The following GCFC2 variants were observed in gnomAD, a reference collection of about 807,000 sequenced individuals.
GCFC2 encodes GC-rich sequence DNA-binding factor 2.
A neutral mutation model predicts 99.4 loss-of-function variants in GCFC2; 102 were observed. The observed-to-expected ratio is 1.03, with a 90% CI of 0.87 to 1.21. GCFC2 has a LOEUF of 1.21. Among genes scored for constraint, GCFC2 ranks in the 50% most tolerant of loss-of-function variants. The probability of loss-of-function intolerance (pLI) is 0.00; values close to 1 mark genes in which losing one functional copy is unlikely to be tolerated. For synonymous variants in GCFC2, 338 were observed against 316.8 expected (o/e 1.07, Z -0.71); for missense variants, 973 against 920.9 (o/e 1.06, Z -0.73).
At chr2:75,701,387 T>C (rs1182855751) in intron 3 of GCFC2, 100 bp from the exon 4 acceptor site, 1 of 659,544 alleles carries the variant, frequency 1.5e-6, no homozygotes, top group African/African-American at 1.8e-5. Flanking sequence ...TAGCACCACT[T>C]GACGTGTTAT....
At chr2:75,675,227 C>G (rs1679280882) in intron 12 of GCFC2, among the ~76,000 whole-genome samples, 2 of 152,108 alleles carry the variant, frequency 1.3e-5, no homozygotes, top group African/African-American at 4.8e-5. Context: ...GGTTATATAA[C>G]ATAATATCCT....
chr2:75,678,076 C>G (rs558110514), intron 12 of GCFC2, among the ~76,000 whole-genome samples: 1 of 152,028 alleles, frequency 6.6e-6, no homozygotes, highest in East Asian at 1.9e-4. Flanking sequence ...TCAAGTATTT[C>G]AAAAATGACT....
intron 10 of GCFC2, 109 bp from the exon 11 acceptor site, chr2:75,688,086 G>A: frequency 1.5e-6 from 1 of 678,426 alleles, no homozygotes; most frequent in Admixed American, 3.3e-5. Context: ...AGGATCAGAA[G>A]AGATTAATTC....
At position 75,696,330 on chromosome 2, in the gene GCFC2, A is replaced by G. The variant is rs371186371; in HGVS notation, c.718-15T>C. ...ATGTCTCTTTCCTAAAAAAGTAAAA[A>G]TAGATTTTTACAAAACCATTTATTT... On this transcript the variant is annotated splice_polypyrimidine_tract_variant and intron_variant, in intron 4 of 16. Transcript: ENST00000321027. The G allele has an allele frequency of 2.4e-4, 250 of 1,053,266 alleles. No homozygotes were observed. In the African/African-American group the frequency reaches 3.6e-3, roughly 15 times the overall value. The allele number at this position is 1,053,266 out of a possible 1,614,324, so 65.2% of individuals were successfully genotyped here. A position where few individuals can be genotyped will look rare whatever the true frequency, so the allele number is the denominator to read the frequency against.
rs1679216029 is a variant in GCFC2, at chr2:75,673,508, A to T, written c.1825T>A (p.Ser609Thr). ...GCCTTTTTCATTCTTGAAACAATGG[A>T]TTTAAGTAAATCCTATTATTACAAA... ...VSKSRQDLLK[S>T]IVSRMKKAVE... The change falls in exon 13 of 17, where the codon TCC becomes ACC. Residue 609 changes from serine to threonine, a missense_variant. By Grantham distance (58) the Ser-to-Thr change is moderately conservative. Transcript: ENST00000321027. 2 of 1,253,380 alleles carry T rather than the reference A, an allele frequency of 1.6e-6. No individual in the cohort carries two copies. Among genetic ancestry groups the T allele is most frequent in the East Asian group, 4.6e-5 (2 of 43,202 alleles). The allele number at this position is 1,253,380 out of a possible 1,614,324, so 77.6% of individuals were successfully genotyped here.
At chr2:75,704,077 C>T (rs550944643) in intron 2 of GCFC2, among the ~76,000 whole-genome samples, 8 of 152,300 alleles carry the variant, frequency 5.3e-5, no homozygotes, top group African/African-American at 1.7e-4. Context: ...TATTCAATAC[C>T]TCGTTCAAGG....
Position 75,703,260 on chromosome 2 carries a change from G to A in GCFC2, c.395-837C>T, listed in dbSNP as rs535755809. 7.8e-4 allele frequency among the ~76,000 whole-genome samples: 119 copies of A among 152,208 alleles called. 1 individual carries two copies. Among genetic ancestry groups the A allele is most frequent in the Middle Eastern group, 3.4e-3 (1 of 294 alleles). Reference sequence around the variant, plus strand: ...GCGAGAGAAATTTTCACCATTTTAAGCACTTCAAACTACTAAAAAGATGTC... The same window carrying A: ...GCGAGAGAAATTTTCACCATTTTAAACACTTCAAACTACTAAAAAGATGTC... On this transcript the variant is annotated intron_variant, in intron 2 of 16. Transcript: ENST00000321027.
intron 15 of GCFC2, among the ~76,000 whole-genome samples, chr2:75,666,463 A>G (rs996828060): frequency 9.2e-5 from 14 of 152,168 alleles, no homozygotes; most frequent in Non-Finnish European, 2.1e-4. Flanking sequence ...TATGATCTAT[A>G]TGGAGTTAAG....
In GCFC2 at chr2:75,670,147, C is replaced by G. The variant is rs889472286; in HGVS notation, c.2094G>C (p.Lys698Asn). The G allele has an allele frequency of 1.2e-6, 2 of 1,603,214 alleles. No homozygotes were observed. Among genetic ancestry groups the G allele is most frequent in the Non-Finnish European group, 1.7e-6 (2 of 1,172,960 alleles). Residue 698 changes from lysine (K) to asparagine (N), a missense_variant, in exon 15 of 17, where the codon AAG becomes AAC. By Grantham distance (94) the Lys-to-Asn change is moderately conservative. Transcript: ENST00000321027. Reference sequence around the variant, plus strand: ...TTCCTTCACAACTTACCTGGTTGCACTTTTTAACCACATCTGGCCCAGGTG... The same window carrying G: ...TTCCTTCACAACTTACCTGGTTGCAGTTTTTAACCACATCTGGCCCAGGTG... ...NATPGPDVVK[K>N]CNQVAACLPE...
chr2:75,712,295 C>A (rs1681220465), upstream of GCFC2, among the ~76,000 whole-genome samples: 1 of 151,792 alleles, frequency 6.6e-6, no homozygotes, highest in East Asian at 1.9e-4. Context: ...TGTAAACCCA[C>A]CAATCAGCAC....
intron 11 of GCFC2, among the ~76,000 whole-genome samples, chr2:75,686,057 T>G (rs1679801511): frequency 3.3e-5 from 5 of 152,210 alleles, no homozygotes; most frequent in Admixed American, 2.0e-4. Flanking sequence ...TTGGACTCAG[T>G]CAGTGTTAAT....
At chr2:75,680,158 T>C (rs776585760) in intron 12 of GCFC2, 35 bp downstream of exon 12, 29 of 1,473,082 alleles carry the variant, frequency 2.0e-5, no homozygotes, top group East Asian at 6.8e-5. Context: ...GATTTAGAGA[T>C]AGATCATGGA....
chr2:75,705,335 C>T (rs1680800716), intron 2 of GCFC2, among the ~76,000 whole-genome samples: 1 of 152,038 alleles, frequency 6.6e-6, no homozygotes, highest in Admixed American at 6.6e-5. Context: ...AATAAAGAAG[C>T]ACTTATGGCC....
At position 75,710,716 on chromosome 2, in the gene GCFC2, G is replaced by A; in HGVS notation, c.140C>T (p.Ser47Phe). 1 of 1,549,940 alleles carries A rather than the reference G, an allele frequency of 6.5e-7. No individual in the cohort carries two copies. The highest frequency in any genetic ancestry group is 1.2e-5 in the South Asian group (1 of 84,238). ...CGCCACCTGCGCGCGGCCTCCTCCA[G>A]AGGGCGGCTCTTCCTCCGCAGAACC... ...VPGSAEEEPP[S>F]GGGRAQVAGL... is the part of the protein sequence containing the mutation. Residue 47 changes from serine to phenylalanine, a missense_variant, in exon 1 of 17, where the codon TCT (serine) becomes TTT (phenylalanine). Physicochemically the swap from Ser to Phe is radical, Grantham distance 155. Transcript: ENST00000321027.
At chr2:75,672,042 G>A (rs770710588) in intron 13 of GCFC2, 26 bp from the exon 14 acceptor site, 5 of 1,313,786 alleles carry the variant, frequency 3.8e-6, no homozygotes, top group African/African-American at 1.5e-5. Context: ...CGAAAGAGAA[G>A]AGAAAATGCA....
intron 12 of GCFC2, among the ~76,000 whole-genome samples, chr2:75,678,614 C>T (rs965033192): frequency 2.6e-5 from 4 of 152,166 alleles, no homozygotes; most frequent in Non-Finnish European, 4.4e-5. Flanking sequence ...CTATGCTGCT[C>T]AAGGGGAGGC....
chr2:75,710,857 G>A lies in GCFC2; in HGVS notation c.-2C>T, dbSNP rs762358177. ...AGTCCTTTTCGGCCTGTGAGCCATG[G>A]CCGAGGCCCGAGCGCCCGGCGCCCT... On this transcript the variant is annotated 5_prime_UTR_variant, in exon 1 of 17. Transcript: ENST00000321027. 1 of 1,547,696 alleles carries A rather than the reference G, an allele frequency of 6.5e-7. No homozygotes were observed. Among genetic ancestry groups the A allele is most frequent in the South Asian group, 1.2e-5 (1 of 86,280 alleles).
Position 75,663,037 on chromosome 2 carries a change from A to T in GCFC2, c.*1629T>A, listed in dbSNP as rs1430718752. ...CTCTGGGGACAGCGGTTGTGTGGAAATGCTAACTGCTTTTCAACAATAGTT... is the reference window on the plus strand; with the variant it reads ...CTCTGGGGACAGCGGTTGTGTGGAATTGCTAACTGCTTTTCAACAATAGTT... On this transcript the variant is annotated 3_prime_UTR_variant, in exon 17 of 17. Coordinates refer to ENST00000321027, the MANE Select transcript of GCFC2 (RefSeq NM_003203.5). 6.6e-6 allele frequency: 1 copy of T among 152,198 alleles called. No individual in the cohort carries two copies. Among genetic ancestry groups the T allele is most frequent in the East Asian group, 1.9e-4 (1 of 5,202 alleles). The allele number at this position is 152,198 out of a possible 1,614,324, so 9.4% of individuals were successfully genotyped here. A position where few individuals can be genotyped will look rare whatever the true frequency, so the allele number is the denominator to read the frequency against.
intron 10 of GCFC2, 60 bp downstream of exon 10, chr2:75,688,966 T>A: frequency 2.2e-6 from 2 of 914,360 alleles, no homozygotes; most frequent in Non-Finnish European, 1.7e-6. Context: ...AACACAATAG[T>A]AAGGGAATTT....
Sources: allele counts gnomAD v4.1 joint callset (sites outside exome capture counted in the v4.1 genomes callset), GRCh38; gene constraint gnomAD v4.1.1; transcripts MANE v1.5; gene names NCBI Gene and HGNC (gene_info 2026-07-23, HGNC 2026-07-21).